The following PRDM11 variants were observed in gnomAD, a reference collection of about 807,000 sequenced individuals.
PRDM11 encodes PR/SET domain 11.
Under a neutral mutation model 97.8 loss-of-function variants are expected in PRDM11, and 20 were observed. The observed-to-expected ratio is 0.20, with a 90% CI of 0.14 to 0.30. The LOEUF is 0.30. Ranked by LOEUF, PRDM11 falls within the 10% of genes least tolerant of loss-of-function variation. The pLI, the probability that PRDM11 is intolerant of heterozygous loss-of-function variation, is 1.00. For missense variants in PRDM11, 1,139 were observed against 1,555.2 expected (o/e 0.73, Z 4.50); for synonymous variants, 599 against 637.7 (o/e 0.94, Z 0.91).
At chr11:45,095,667 A>G, upstream of PRDM11, 1 of 617,116 alleles carries the variant, frequency 1.6e-6, no homozygotes, top group South Asian at 2.0e-5. Flanking sequence ...TAGAACTGCA[A>G]CCCCTGGGAC....
rs1854232134 is a variant in PRDM11, at chr11:45,224,873, G to C, written c.1369+30G>C. ...GTTGGTTTGGATGAGATTATTGTCG[G>C]AGGGCAGAGTACGCAGTGGGCTGTG... On this transcript the variant is annotated intron_variant, in intron 7 of 7. Transcript: ENST00000683152. The C allele has an allele frequency of 1.9e-6, 3 of 1,609,370 alleles. No individual in the cohort carries two copies. The South Asian group carries it at 3.3e-5, about 18-fold the overall frequency.
chr11:45,137,026 G>A (rs1852870905), intron 1 of PRDM11, among the ~76,000 whole-genome samples: 1 of 151,580 alleles, frequency 6.6e-6, no homozygotes, highest in Admixed American at 6.6e-5. Context: ...AGCTGGGTGT[G>A]GTGGCAGACA....
chr11:45,102,262 C>T (rs59175976), intron 1 of PRDM11, among the ~76,000 whole-genome samples: 15,610 of 26,062 alleles, frequency 0.6, 5,008 homozygotes, highest in East Asian at 0.75. Flanking sequence ...AAGAAGAAGG[C>T]GTTCAGGGCT....
chr11:45,193,257 A>G (rs201580135), intron 4 of PRDM11, among the ~76,000 whole-genome samples: 1 of 152,184 alleles, frequency 6.6e-6, no homozygotes, highest in Non-Finnish European at 1.5e-5. Context: ...TGTTATTGCA[A>G]CTGCCATGAT....
intron 1 of PRDM11, among the ~76,000 whole-genome samples, chr11:45,170,195 T>A (rs1475363069): frequency 6.6e-6 from 1 of 151,912 alleles, no homozygotes; most frequent in Non-Finnish European, 1.5e-5. Flanking sequence ...ACACAAAAAT[T>A]AGCCAGGCGT....
Position 45,227,615 on chromosome 11 carries a change from G to A in PRDM11, c.2990G>A (p.Ser997Asn), listed in dbSNP as rs1293042369. ...QVFDLAAWPR[S>N]SEELMSYGKE... ...TTTGACCTGGCTGCCTGGCCCAGGA[G>A]CAGTGAGGAGCTGATGAGCTATGGC... Residue 997 changes from serine to asparagine, a missense_variant, in exon 8 of 8, where the codon AGC (serine) becomes AAC (asparagine). Around this residue, in one of 2 missense-constraint regions of PRDM11, gnomAD observed 710 missense variants for 1,044.9 expected, o/e 0.68. Transcript: ENST00000683152. The surrounding 1 kb of genome is among the most constrained non-coding windows in gnomAD (Gnocchi z 8.0). 1.3e-6 allele frequency: 2 copies of A among 1,533,824 alleles called. No individual in the cohort carries two copies. Among genetic ancestry groups the A allele is most frequent in the African/African-American group, 2.7e-5 (2 of 72,960 alleles).
chr11:45,163,432 C>A (rs1197498246), intron 1 of PRDM11, among the ~76,000 whole-genome samples: 1 of 152,194 alleles, frequency 6.6e-6, no homozygotes, highest in African/African-American at 2.4e-5. Context: ...AGGAGCCCTC[C>A]TCTGCTGCTC....
intron 1 of PRDM11, among the ~76,000 whole-genome samples, chr11:45,168,476 G>T (rs939834455): frequency 6.6e-6 from 1 of 152,196 alleles, no homozygotes; most frequent in Non-Finnish European, 1.5e-5. Flanking sequence ...TGCCTGCGCC[G>T]AGTGGCTGGC....
At chr11:45,130,657 G>T (rs927831611) in intron 1 of PRDM11, among the ~76,000 whole-genome samples, 2 of 152,218 alleles carry the variant, frequency 1.3e-5, no homozygotes, top group African/African-American at 4.8e-5. Context: ...TGGAAATTTC[G>T]TATTAAGTGT....
upstream of PRDM11, among the ~76,000 whole-genome samples, chr11:45,143,161 T>G (rs1851442381): frequency 6.6e-6 from 1 of 152,202 alleles, no homozygotes; most frequent in African/African-American, 2.4e-5. Flanking sequence ...ACTAAATCCT[T>G]ATTGAAATTT....
At chr11:45,143,208 A>T (rs926307579), upstream of PRDM11, among the ~76,000 whole-genome samples, 11 of 152,254 alleles carry the variant, frequency 7.2e-5, no homozygotes, top group African/African-American at 2.7e-4. Context: ...TATGTGCAAT[A>T]AACAATGTCC....
chr11:45,142,672 A>C (rs1851430442), upstream of PRDM11, among the ~76,000 whole-genome samples: 1 of 152,096 alleles, frequency 6.6e-6, no homozygotes, highest in South Asian at 2.1e-4. Context: ...TGATGATCTG[A>C]CCCAAGGCAT....
intron 6 of PRDM11, 34 bp from the exon 7 acceptor site, chr11:45,224,182 TC>T (rs1854197373): frequency 5.9e-6 from 9 of 1,528,716 alleles, no homozygotes; most frequent in Non-Finnish European, 7.9e-6. Flanking sequence ...TTGGGGGTTT[TC>T]CCCATTTCCT....
intron 1 of PRDM11, among the ~76,000 whole-genome samples, chr11:45,106,861 G>A (rs1487573484): frequency 6.6e-6 from 1 of 152,244 alleles, no homozygotes; most frequent in African/African-American, 2.4e-5. Flanking sequence ...TACTGGTCAA[G>A]GCAGTCACAA....
rs2135853157 is a variant in PRDM11 at position 45,224,679 on chromosome 11, C to T, written c.1205C>T (p.Pro402Leu). The T allele has an allele frequency of 1.2e-6, 2 of 1,614,158 alleles. No homozygotes were observed. Among genetic ancestry groups the T allele is most frequent in the East Asian group, 2.2e-5 (1 of 44,872 alleles). ...SPAEASLASD[P>L]HELPTTSFCP... ...GCCGAGGCCTCCCTTGCATCTGACC[C>T]TCATGAACTTCCCACCACCTCTTTT... Residue 402 changes from proline (P) to leucine (L), a missense_variant, in exon 7 of 8, where the codon CCT becomes CTT. Coordinates refer to ENST00000683152, the MANE Select transcript of PRDM11 (RefSeq NM_001384648.1).
Position 45,182,272 on chromosome 11 carries a change from T to A in PRDM11, c.146T>A (p.Met49Lys). The part of the protein sequence containing the change: ...PCSRRPDSSA[M>K]EVEPKKLKGK... ...TCTAGGAGACCGGACTCCTCGGCCATGGAAGTTGAGCCCAAGAAACTGAAG... is the reference window on the plus strand; with the variant it reads ...TCTAGGAGACCGGACTCCTCGGCCAAGGAAGTTGAGCCCAAGAAACTGAAG... The change falls in exon 3 of 8, where the codon ATG (methionine) becomes AAG (lysine). Residue 49 changes from methionine to lysine, a missense_variant. Physicochemically the swap from Met to Lys is moderately conservative, Grantham distance 95. Around this residue, in one of 2 missense-constraint regions of PRDM11, gnomAD observed 429 missense variants for 510.3 expected, o/e 0.84. Coordinates refer to ENST00000683152, the MANE Select transcript of PRDM11 (RefSeq NM_001384648.1). 1 of 1,614,020 alleles carries A rather than the reference T, an allele frequency of 6.2e-7. No individual in the cohort carries two copies. Among genetic ancestry groups the A allele is most frequent in the Non-Finnish European group, 8.5e-7 (1 of 1,180,016 alleles).
chr11:45,099,585 G>T (rs1267652252), intron 1 of PRDM11, among the ~76,000 whole-genome samples: 1 of 150,900 alleles, frequency 6.6e-6, no homozygotes, highest in Admixed American at 6.6e-5. Context: ...TAATTTCTGT[G>T]GCTACATAGC....
Position 45,227,875 on chromosome 11 carries a change from T to G in PRDM11, c.3250T>G (p.Ser1084Ala). 2.0e-6 allele frequency: 3 copies of G among 1,533,848 alleles called. No individual in the cohort carries two copies. Among genetic ancestry groups the G allele is most frequent in the Non-Finnish European group, 2.6e-6 (3 of 1,146,712 alleles). The stretch of plus-strand genomic sequence containing the variant: ...CCAGGTTCTTAAAGTCCTCCCCACT[T>G]CCACCGCTTGCTGCGAGAAAGGCCG... ...IIQVLKVLPT[S>A]TACCEKGRNA... The change falls in exon 8 of 8, where the codon TCC becomes GCC. Residue 1084 changes from serine to alanine, a missense_variant. Transcript: ENST00000683152. This position sits in a 1 kb window ranked among gnomAD's most constrained non-coding sequence, Gnocchi z 8.0.
intron 1 of PRDM11, among the ~76,000 whole-genome samples, chr11:45,108,523 T>A (rs1852105359): frequency 6.6e-6 from 1 of 152,214 alleles, no homozygotes; most frequent in South Asian, 2.1e-4. Flanking sequence ...CGGCTGGCAT[T>A]TCCTGCTGGG....
Sources: gnomAD v4.1 joint callset for allele counts (sites outside exome capture counted in the v4.1 genomes callset) on GRCh38, gnomAD v4.1.1 for gene constraint, gnomAD v4.1.1 regional missense constraint, Gnocchi (gnomAD v3.1) non-coding constraint, MANE v1.5 for transcripts, NCBI Gene and HGNC (gene_info 2026-07-23, HGNC 2026-07-21) for gene names.